The following GRIA1 variants were observed in gnomAD, a reference collection of about 807,000 sequenced individuals.
GRIA1 encodes glutamate receptor 1.
GRIA1 carries 31 observed loss-of-function variants against 99.2 expected under a neutral mutation model. The observed-to-expected ratio is 0.31, with a 90% CI of 0.23 to 0.42. GRIA1 has a LOEUF of 0.42. Ranked by LOEUF, GRIA1 falls within the 10% of genes least tolerant of loss-of-function variation. The pLI, the probability that GRIA1 is intolerant of heterozygous loss-of-function variation, is 1.00. For synonymous variants in GRIA1, 438 were observed against 432.4 expected (o/e 1.01, Z -0.16); for missense variants, 782 against 1,157.5 (o/e 0.68, Z 4.71).
At chr5:153,569,557 A>T (rs1761933006) in intron 2 of GRIA1, among the ~76,000 whole-genome samples, 1 of 151,858 alleles carries the variant, frequency 6.6e-6, no homozygotes, top group South Asian at 2.1e-4. Context: ...GCCCGCCTGA[A>T]CCTGGGATAG....
At chr5:153,507,676 A>C (rs1454545275) in intron 2 of GRIA1, among the ~76,000 whole-genome samples, 1 of 152,042 alleles carries the variant, frequency 6.6e-6, no homozygotes, top group African/African-American at 2.4e-5. Context: ...TGTCATCTTC[A>C]TGATATAATC....
intron 2 of GRIA1, among the ~76,000 whole-genome samples, chr5:153,550,164 C>G (rs1485320041): frequency 7.1e-6 from 1 of 139,994 alleles, no homozygotes; most frequent in Non-Finnish European, 1.6e-5. Context: ...ATTTTTTTTT[C>G]CTTTCCAGCT....
At chr5:153,694,483 C>T (rs1364463824) in intron 8 of GRIA1, among the ~76,000 whole-genome samples, 1 of 152,200 alleles carries the variant, frequency 6.6e-6, no homozygotes, top group Admixed American at 6.5e-5. Context: ...CAACTAGGCA[C>T]TACCCTAATG....
At position 153,770,322 on chromosome 5, in the gene GRIA1, T is replaced by C; in HGVS notation, c.2177T>C (p.Ile726Thr). ...YLLESTMNEY[I>T]EQRKPCDTMK... The stretch of plus-strand genomic sequence containing the variant: ...CTGGAGTCCACCATGAATGAGTACA[T>C]TGAGCAGCGGAAACCCTGTGACACC... The change falls in exon 13 of 16, where the codon ATT (isoleucine) becomes ACT (threonine). Residue 726 changes from isoleucine (I) to threonine (T), a missense_variant. Transcript: ENST00000285900. The C allele has an allele frequency of 2.5e-6, 4 of 1,613,942 alleles. No individual in the cohort carries two copies. Among genetic ancestry groups the C allele is most frequent in the Non-Finnish European group, 3.4e-6 (4 of 1,179,936 alleles).
intron 2 of GRIA1, among the ~76,000 whole-genome samples, chr5:153,635,984 T>C (rs998608556): frequency 6.6e-6 from 1 of 152,208 alleles, no homozygotes; most frequent in African/African-American, 2.4e-5. Flanking sequence ...GCAGTCTATC[T>C]GTGAGCTTCA....
At chr5:153,600,182 A>G (rs1417192042) in intron 2 of GRIA1, among the ~76,000 whole-genome samples, 1 of 151,896 alleles carries the variant, frequency 6.6e-6, no homozygotes, top group Non-Finnish European at 1.5e-5. Context: ...GCGAGGTCAG[A>G]AGATTGAGAC....
chr5:153,787,362 G>T (rs1338677132), intron 13 of GRIA1, among the ~76,000 whole-genome samples: 3 of 152,022 alleles, frequency 2.0e-5, no homozygotes, highest in Non-Finnish European at 4.4e-5. Context: ...TTTGTTCTTT[G>T]GCCCTCTTGG....
intron 2 of GRIA1, among the ~76,000 whole-genome samples, chr5:153,524,453 A>C (rs1224883500): frequency 7.6e-6 from 1 of 131,146 alleles, no homozygotes; most frequent in Non-Finnish European, 1.6e-5. Flanking sequence ...GACTGGATAC[A>C]AATCTTTCCT....
chr5:153,521,042 A>T (rs1226807648), intron 2 of GRIA1, among the ~76,000 whole-genome samples: 4 of 152,330 alleles, frequency 2.6e-5, no homozygotes, highest in African/African-American at 9.6e-5. Flanking sequence ...CTATTAAATC[A>T]CTACCCCAGA....
At chr5:153,533,451 C>T (rs1419145565) in intron 2 of GRIA1, among the ~76,000 whole-genome samples, 1 of 151,916 alleles carries the variant, frequency 6.6e-6, no homozygotes, top group Non-Finnish European at 1.5e-5. Context: ...TTGGATAAGG[C>T]AAGGAAGAGC....
chr5:153,551,352 TTTTG>T (rs965026174), intron 2 of GRIA1, among the ~76,000 whole-genome samples: 4 of 114,188 alleles, frequency 3.5e-5, no homozygotes, highest in East Asian at 2.0e-4. Flanking sequence ...TTACAGTTTT[TTTTG>T]TTTGTTTGTT....
intron 11 of GRIA1, among the ~76,000 whole-genome samples, chr5:153,749,122 G>T (rs1177589591): frequency 6.6e-6 from 1 of 152,144 alleles, no homozygotes; most frequent in African/African-American, 2.4e-5. Flanking sequence ...TGTGAGGCAG[G>T]AGGAGACCCA....
chr5:153,668,502 C>G (rs1005510049), intron 5 of GRIA1, among the ~76,000 whole-genome samples: 6 of 152,188 alleles, frequency 3.9e-5, no homozygotes, highest in Non-Finnish European at 8.8e-5. Context: ...AAGCCATGCT[C>G]TTCCAATTAC....
rs544799267 is a variant in GRIA1, at chr5:153,638,222, ATCTGTCT to A, written c.221-8704_221-8698del. Among the ~76,000 whole-genome samples the A allele has an allele frequency of 2.2e-4, 33 of 152,342 alleles. No individual in the cohort carries two copies. The East Asian group carries it at 3.1e-3, about 14-fold the overall frequency. On this transcript the variant is annotated intron_variant, in intron 2 of 15. Coordinates refer to ENST00000285900, the MANE Select transcript of GRIA1 (RefSeq NM_000827.4). ...TAAGCTTTATGAGGGCAAAGGCATC[ATCTGTCT>A]TATTTACCACTCTATTCCACAGTGT...
At chr5:153,610,171 TG>T (rs1765857460) in intron 2 of GRIA1, among the ~76,000 whole-genome samples, 1 of 152,148 alleles carries the variant, frequency 6.6e-6, no homozygotes, top group Non-Finnish European at 1.5e-5. Context: ...CAGTGTTGAA[TG>T]GAGACTAAAA....
chr5:153,786,732 G>A (rs886621497), intron 13 of GRIA1, among the ~76,000 whole-genome samples: 2 of 152,186 alleles, frequency 1.3e-5, no homozygotes, highest in Non-Finnish European at 2.9e-5. Context: ...AGGTCAATGA[G>A]AAATAAAGTG....
At chr5:153,602,551 T>G (rs373706148) in intron 2 of GRIA1, among the ~76,000 whole-genome samples, 13 of 129,978 alleles carry the variant, frequency 1.0e-4, no homozygotes, top group South Asian at 7.3e-4. Flanking sequence ...TAAAAGAAAA[T>G]AAAATAAGAA....
intron 11 of GRIA1, among the ~76,000 whole-genome samples, chr5:153,756,065 G>A (rs749196157): frequency 7.9e-5 from 12 of 152,226 alleles, no homozygotes; most frequent in Non-Finnish European, 1.5e-4. Flanking sequence ...GGTCTTGCCA[G>A]TGGATCTGAA....
At chr5:153,699,113 A>G (rs1270808730) in intron 10 of GRIA1, 40 bp downstream of exon 10, 1 of 1,427,726 alleles carries the variant, frequency 7.0e-7, no homozygotes, top group Admixed American at 1.7e-5. Flanking sequence ...GGGCGGAGGC[A>G]GAGGGTTTGA....
Sources: allele counts gnomAD v4.1 joint callset (sites outside exome capture counted in the v4.1 genomes callset), GRCh38; gene constraint gnomAD v4.1.1; transcripts MANE v1.5; gene names NCBI Gene and HGNC (gene_info 2026-07-23, HGNC 2026-07-21).